The following HERC1 variants were observed in gnomAD, a reference collection of about 807,000 sequenced individuals.
The protein encoded by HERC1 is probable E3 ubiquitin-protein ligase HERC1.
HERC1 carries 160 observed loss-of-function variants against 554.3 expected under a neutral mutation model. The observed-to-expected ratio is 0.29, with a 90% CI of 0.25 to 0.33. The LOEUF (loss-of-function observed/expected upper bound fraction) is 0.33, where lower values mean the gene tolerates loss of function less well. Ranked by LOEUF, HERC1 falls within the 10% of genes least tolerant of loss-of-function variation. The pLI, the probability that HERC1 is intolerant of heterozygous loss-of-function variation, is 1.00. For missense variants in HERC1, 4,919 were observed against 5,918.5 expected, an observed-to-expected ratio of 0.83 and a Z score of 5.54; for synonymous variants, 2,175 against 2,131.7, an observed-to-expected ratio of 1.02 and a Z score of -0.56.
intron 25 of HERC1, among the ~76,000 whole-genome samples, chr15:63,701,457 T>G (rs2072719674): frequency 6.6e-6 from 1 of 152,346 alleles, no homozygotes; most frequent in South Asian, 2.1e-4. Context: ...ACTTTTTCTG[T>G]AAAGGGCCAG....
At chr15:63,714,720 TG>T (rs1314647446) in intron 22 of HERC1, among the ~76,000 whole-genome samples, 2 of 151,974 alleles carry the variant, frequency 1.3e-5, no homozygotes, top group East Asian at 3.9e-4. Flanking sequence ...GCTAATTTTT[TG>T]TATCTTTAGT....
intron 67 of HERC1, 75 bp from the exon 68 acceptor site, chr15:63,632,886 A>G: frequency 1.1e-6 from 1 of 940,522 alleles, no homozygotes; most frequent in East Asian, 2.6e-5. Context: ...AATGGCATGT[A>G]TCAAGAACTA....
intron 74 of HERC1, among the ~76,000 whole-genome samples, chr15:63,617,326 C>T (rs915559368): frequency 6.6e-6 from 1 of 151,912 alleles, no homozygotes; most frequent in Non-Finnish European, 1.5e-5. Flanking sequence ...CATGTCCCTA[C>T]ATGACATGAA....
chr15:63,687,754 C>T (rs769472157), intron 33 of HERC1, among the ~76,000 whole-genome samples: 6 of 152,078 alleles, frequency 3.9e-5, no homozygotes, highest in African/African-American at 9.7e-5. Flanking sequence ...GCAGGTGACA[C>T]GACAAAGAGT....
chr15:63,829,561 G>GTGTGTGTGTGTGTATATATATATA (rs1220043639), intron 1 of HERC1, among the ~76,000 whole-genome samples: 1 of 81,760 alleles, frequency 1.2e-5, no homozygotes, highest in African/African-American at 5.2e-5. Context: ...GTGTGTGTGT[G>GTGTGTGTGTGTGTATATATATATA]TATATATATA....
intron 1 of HERC1, among the ~76,000 whole-genome samples, chr15:63,802,672 A>G (rs1192136207): frequency 6.6e-6 from 1 of 152,252 alleles, no homozygotes; most frequent in African/African-American, 2.4e-5. Flanking sequence ...AGATTCACCA[A>G]TGAAAAGAAA....
chr15:63,697,639 G>T lies in HERC1; in HGVS notation c.4905+1089C>A, dbSNP rs575923770. On this transcript the variant is annotated intron_variant, in intron 26 of 77. Transcript: ENST00000443617. Reference sequence around the variant, plus strand: ...CCAGTTAATTTTTGTATTTTTAGTAGAGATGGGGTTTCACCACGCTGGTGA... The same window carrying T: ...CCAGTTAATTTTTGTATTTTTAGTATAGATGGGGTTTCACCACGCTGGTGA... 7.9e-5 allele frequency among the ~76,000 whole-genome samples: 12 copies of T among 152,130 alleles called. No individual in the cohort carries two copies. The South Asian group carries it at 2.5e-3, about 32-fold the overall frequency.
chr15:63,624,215 GT>G lies in HERC1; in HGVS notation c.13387del (p.Thr4463ProfsTer12). The G allele has an allele frequency of 6.2e-7, 1 of 1,613,944 alleles. No homozygotes were observed. Among genetic ancestry groups the G allele is most frequent in the Admixed American group, 1.7e-5 (1 of 60,004 alleles). ...TLPMVRSIGK[T>X]MVQGKNYGPQ... ...TCCATAGTTTTTGCCTTGAACCATG[GT>G]TTTTCCTATGGAGCGCACCATTGGC... On this transcript the variant is annotated frameshift_variant, in exon 72 of 78. Transcript: ENST00000443617. LOFTEE classifies it high-confidence loss of function.
chr15:63,781,096 A>G (rs1469358851), intron 1 of HERC1, among the ~76,000 whole-genome samples: 1 of 152,216 alleles, frequency 6.6e-6, no homozygotes, highest in African/African-American at 2.4e-5. Context: ...AAAAAGGGTT[A>G]CTTGGTAATG....
chr15:63,827,337 G>A (rs1041036293), intron 1 of HERC1, among the ~76,000 whole-genome samples: 3 of 151,736 alleles, frequency 2.0e-5, no homozygotes, highest in Admixed American at 6.6e-5. Flanking sequence ...AAGGAGGATC[G>A]CTTAAGCCCA....
chr15:63,742,478 T>C (rs1596125780), intron 12 of HERC1, among the ~76,000 whole-genome samples: 1 of 152,214 alleles, frequency 6.6e-6, no homozygotes, highest in East Asian at 1.9e-4. Context: ...ATGAGTTTTA[T>C]TTCATTATCT....
At chr15:63,672,349 TA>T in intron 39 of HERC1, 146 bp downstream of exon 39, 1 of 574,852 alleles carries the variant, frequency 1.7e-6, no homozygotes, top group South Asian at 3.7e-5. Context: ...CCAAATTCAG[TA>T]AAATGAGCTT....
At chr15:63,746,263 G>A (rs745408860) in intron 12 of HERC1, among the ~76,000 whole-genome samples, 4 of 152,066 alleles carry the variant, frequency 2.6e-5, no homozygotes, top group Non-Finnish European at 2.9e-5. Context: ...AATTTATCTT[G>A]TAATTTCTTT....
chr15:63,818,258 T>C (rs1029555584), intron 1 of HERC1, among the ~76,000 whole-genome samples: 1 of 152,216 alleles, frequency 6.6e-6, no homozygotes, highest in African/African-American at 2.4e-5. Flanking sequence ...TCTAGTCCTA[T>C]GGGCCTATGG....
At position 63,775,257 on chromosome 15, in the gene HERC1, CATG is replaced by C; in HGVS notation, c.364_366del (p.His122del). The C allele has an allele frequency of 6.2e-7, 1 of 1,614,004 alleles. No homozygotes were observed. Among genetic ancestry groups the C allele is most frequent in the Non-Finnish European group, 8.5e-7 (1 of 1,179,884 alleles). Reference sequence around the variant, plus strand: ...TGCTGCTGCTTCACCTTGCCTTTGTCATGGTATTTATTAGAAAGTGCATAAAAG... The same window carrying C: ...TGCTGCTGCTTCACCTTGCCTTTGTCGTATTTATTAGAAAGTGCATAAAAG... On this transcript the variant is annotated inframe_deletion, in exon 2 of 78. Coordinates refer to ENST00000443617, the MANE Select transcript of HERC1 (RefSeq NM_003922.4). This position sits in a 1 kb window ranked among gnomAD's most constrained non-coding sequence, Gnocchi z 4.0.
In HERC1 at chr15:63,746,851, T is replaced by C. The variant is rs8034675; in HGVS notation, c.2520+67A>G. On this transcript the variant is annotated intron_variant, in intron 12 of 77. Transcript: ENST00000443617. ...ATTGTCCAATGTACAGTTGAATATA[T>C]TGTATAGCTAAAATCTCAGAGAAAG... 672,501 of 1,316,820 alleles carry C rather than the reference T, an allele frequency of 0.51. 180,132 individuals are homozygous for C. The highest frequency in any genetic ancestry group is 0.56 in the Non-Finnish European group (524,795 of 939,850). 81.6% of individuals were successfully genotyped at this position (1,316,820 alleles called of 1,614,324 possible). A position where few individuals can be genotyped will look rare whatever the true frequency, so the allele number is the denominator to read the frequency against.
intron 39 of HERC1, 52 bp downstream of exon 39, chr15:63,672,444 C>T (rs543929470): frequency 3.2e-5 from 43 of 1,354,226 alleles, no homozygotes; most frequent in Non-Finnish European, 4.1e-5. Flanking sequence ...ACAACTGTGC[C>T]TTCAGAAACA....
At chr15:63,741,346 CAG>C (rs2074798707) in intron 12 of HERC1, among the ~76,000 whole-genome samples, 1 of 147,354 alleles carries the variant, frequency 6.8e-6, no homozygotes, top group Non-Finnish European at 1.5e-5. Flanking sequence ...TTTTTTGAGA[CAG>C]AGTTTCATTC....
At chr15:63,639,013 C>T (rs1403085264) in intron 61 of HERC1, among the ~76,000 whole-genome samples, 1 of 152,182 alleles carries the variant, frequency 6.6e-6, no homozygotes, top group East Asian at 1.9e-4. Context: ...TGATTCAAAG[C>T]TAGCCATGTG....
Sources: gnomAD v4.1 joint callset for allele counts (sites outside exome capture counted in the v4.1 genomes callset) on GRCh38, gnomAD v4.1.1 for gene constraint, Gnocchi (gnomAD v3.1) non-coding constraint, MANE v1.5 for transcripts, NCBI Gene and HGNC (gene_info 2026-07-23, HGNC 2026-07-21) for gene names.